Variants in CHRNB3 observed in about 807,000 individuals in gnomAD.
CHRNB3 encodes neuronal acetylcholine receptor subunit beta-3.
A neutral mutation model predicts 40.6 loss-of-function variants in CHRNB3; 37 were observed. That is an observed-to-expected ratio of 0.91 (90% CI 0.70 to 1.20). CHRNB3 has a LOEUF of 1.20. Among genes scored for constraint, CHRNB3 ranks in the 50% most tolerant of loss-of-function variants. The pLI is 0.00. For missense variants in CHRNB3, 505 were observed against 551.2 expected, an observed-to-expected ratio of 0.92 and a Z score of 0.84; for synonymous variants, 207 against 207.1, an observed-to-expected ratio of 1.00 and a Z score of 0.00.
At chr8:42,731,023 C>T (rs1816406628) in intron 4 of CHRNB3, among the ~76,000 whole-genome samples, 2 of 148,310 alleles carry the variant, frequency 1.3e-5, no homozygotes, top group African/African-American at 5.0e-5. Context: ...AGTCCGCAGT[C>T]CGGCCTGGGC....
At chr8:42,717,641 C>T (rs1816140138) in intron 3 of CHRNB3, among the ~76,000 whole-genome samples, 1 of 151,586 alleles carries the variant, frequency 6.6e-6, no homozygotes, top group Non-Finnish European at 1.5e-5. Context: ...GGTCAAAAGG[C>T]CTACTGTATA....
intron 3 of CHRNB3, among the ~76,000 whole-genome samples, chr8:42,718,006 T>A (rs1586400881): frequency 6.6e-6 from 1 of 150,702 alleles, no homozygotes; most frequent in East Asian, 1.9e-4. Context: ...CTAATTTTTG[T>A]ATTTTTAGTA....
Position 42,707,314 on chromosome 8 carries a change from G to A in CHRNB3, c.53-1403G>A, listed in dbSNP as rs921195600. On this transcript the variant is annotated intron_variant, in intron 1 of 5. Coordinates refer to ENST00000289957, the MANE Select transcript of CHRNB3 (RefSeq NM_000749.5). ...TAAAAGAATCCCTGGATTTTGAGTG[G>A]GCAAACCTGGAGGGTATGTCTCTCA... Among the ~76,000 whole-genome samples, 7 of 152,294 alleles carry A rather than the reference G, an allele frequency of 4.6e-5. No individual in the cohort carries two copies. The East Asian group carries it at 1.4e-3, about 29-fold the overall frequency.
intron 1 of CHRNB3, among the ~76,000 whole-genome samples, chr8:42,700,999 G>A (rs955453878): frequency 2.0e-5 from 3 of 152,072 alleles, no homozygotes; most frequent in African/African-American, 7.2e-5. Context: ...GGAGGCTGAG[G>A]CATGCAGATC....
chr8:42,720,048 C>A lies in CHRNB3; in HGVS notation c.249+9614C>A, dbSNP rs62518198. ...TCCTTCCTGCCCCAGCACCTTTCCA[C>A]AGGCAGTTCCATCTTTGGCCAGCCT... is the stretch of plus-strand genomic sequence containing the variant. On this transcript the variant is annotated intron_variant, in intron 3 of 5. Transcript: ENST00000289957. Among the ~76,000 whole-genome samples, 26 of 150,906 alleles carry A rather than the reference C, an allele frequency of 1.7e-4. No individual in the cohort carries two copies. The East Asian group carries it at 5.1e-3, about 29-fold the overall frequency.
chr8:42,723,369 G>T (rs1040124903), intron 3 of CHRNB3, among the ~76,000 whole-genome samples: 5 of 152,074 alleles, frequency 3.3e-5, no homozygotes, highest in South Asian at 4.1e-4. Flanking sequence ...GAGAGGAGAT[G>T]AAATGAGCTG....
Position 42,698,355 on chromosome 8 carries a change from T to C in CHRNB3, c.52+757T>C, listed in dbSNP as rs547590648. On this transcript the variant is annotated intron_variant, in intron 1 of 5. Coordinates refer to ENST00000289957, the MANE Select transcript of CHRNB3 (RefSeq NM_000749.5). ...CTTGAGAACAGAAAGTTTTCCCCCA[T>C]TGAATCAGAAACCATCTGAAACCGC... 1.2e-4 allele frequency among the ~76,000 whole-genome samples: 19 copies of C among 152,350 alleles called. No individual in the cohort carries two copies. The South Asian group carries it at 3.9e-3, about 32-fold the overall frequency.
intron 4 of CHRNB3, 80 bp from the exon 5 acceptor site, chr8:42,731,587 G>A: frequency 2.9e-6 from 4 of 1,397,880 alleles, no homozygotes; most frequent in Non-Finnish European, 3.9e-6. Flanking sequence ...TCATAAAACA[G>A]AAATAGTCAA....
chr8:42,716,900 G>C (rs1816119040), intron 3 of CHRNB3, among the ~76,000 whole-genome samples: 1 of 152,088 alleles, frequency 6.6e-6, no homozygotes, highest in Non-Finnish European at 1.5e-5. Context: ...GAGACAGTTT[G>C]TTCTCCTCTC....
chr8:42,707,161 C>T (rs1351344068), intron 1 of CHRNB3, among the ~76,000 whole-genome samples: 5 of 152,244 alleles, frequency 3.3e-5, no homozygotes, highest in Non-Finnish European at 7.3e-5. Flanking sequence ...CGTCAGAGGA[C>T]ACAGCCCACT....
chr8:42,705,585 T>C (rs1586393095), intron 1 of CHRNB3: 1 of 152,334 alleles, frequency 6.6e-6, no homozygotes, highest in Non-Finnish European at 1.5e-5. Context: ...CAGATGCTCA[T>C]GATCTTGGAC....
chr8:42,708,871 G>C lies in CHRNB3; in HGVS notation c.204+3G>C. 1 of 1,610,456 alleles carries C rather than the reference G, an allele frequency of 6.2e-7. No individual in the cohort carries two copies. Reference sequence around the variant, plus strand: ...AAATATCCCAGCTTGTAGATGTGGTGAGTAATCCTTGGCACTTGGCTAAAA... The same window carrying C: ...AAATATCCCAGCTTGTAGATGTGGTCAGTAATCCTTGGCACTTGGCTAAAA... On this transcript the variant is annotated splice_donor_region_variant and intron_variant, in intron 2 of 5. Transcript: ENST00000289957.
chr8:42,718,722 T>A (rs994734327), intron 3 of CHRNB3, among the ~76,000 whole-genome samples: 12 of 151,874 alleles, frequency 7.9e-5, no homozygotes, highest in Admixed American at 1.3e-4. Context: ...GGACTTTTTT[T>A]ATAGTTTTTT....
rs1007810052 is a variant in CHRNB3 at position 42,697,398 on chromosome 8, A to T, written c.-149A>T. 1.2e-4 allele frequency: 77 copies of T among 633,154 alleles called. 1 individual carries two copies. The highest frequency in any genetic ancestry group is 1.2e-3 in the African/African-American group (66 of 54,856). The allele number at this position is 633,154 out of a possible 1,614,324, so 39.2% of individuals were successfully genotyped here. ...GGCACACTCGGCGAGAGGGGTTGAG[A>T]TTGTTTTATTCCACTCCAGGTGTTG... is the stretch of plus-strand genomic sequence containing the variant. On this transcript the variant is annotated 5_prime_UTR_variant, in exon 1 of 6. Transcript: ENST00000289957.
chr8:42,734,923 A>T (rs1194874967), intron 5 of CHRNB3, among the ~76,000 whole-genome samples: 1 of 152,026 alleles, frequency 6.6e-6, no homozygotes, highest in African/African-American at 2.4e-5. Context: ...AACATCTTTT[A>T]AAAACACTAA....
chr8:42,719,734 A>G (rs2128907104), intron 3 of CHRNB3, among the ~76,000 whole-genome samples: 1 of 152,274 alleles, frequency 6.6e-6, no homozygotes, highest in East Asian at 1.9e-4. Context: ...GCAGAAGGAC[A>G]CTAAGGTTGT....
chr8:42,732,872 AAT>A (rs1816454257), intron 5 of CHRNB3, among the ~76,000 whole-genome samples: 2 of 152,186 alleles, frequency 1.3e-5, no homozygotes, highest in Admixed American at 6.6e-5. Context: ...GGTTTCTGGT[AAT>A]TTATCTTTCA....
rs1285947786 is a variant in CHRNB3, at chr8:42,708,708, C to A, written c.53-9C>A. 2 of 1,613,226 alleles carry A rather than the reference C, an allele frequency of 1.2e-6. No individual in the cohort carries two copies. The highest frequency in any genetic ancestry group is 2.2e-5 in the South Asian group (2 of 90,848). On this transcript the variant is annotated splice_polypyrimidine_tract_variant and intron_variant, in intron 1 of 5. Coordinates refer to ENST00000289957, the MANE Select transcript of CHRNB3 (RefSeq NM_000749.5). Reference sequence around the variant, plus strand: ...CATTAACCCAGGTCCACCCATGATTCTTTTACAGCCACCACAGGTTTCAAC... The same window carrying A: ...CATTAACCCAGGTCCACCCATGATTATTTTACAGCCACCACAGGTTTCAAC...
rs869178430 is a variant in CHRNB3 at position 42,720,111 on chromosome 8, C to CTTTTTTTTTT, written c.249+9702_249+9711dup. On this transcript the variant is annotated intron_variant, in intron 3 of 5. Coordinates refer to ENST00000289957, the MANE Select transcript of CHRNB3 (RefSeq NM_000749.5). ...CAACCCTGCCCCACTCAGAAGCCTT[C>CTTTTTTTTTT]TTTTTTTTTTTTTTTTTTTTTTTTT... Among the ~76,000 whole-genome samples the CTTTTTTTTTT allele has an allele frequency of 6.1e-4, 30 of 48,804 alleles. 4 individuals are homozygous for CTTTTTTTTTT. The highest frequency in any genetic ancestry group is 8.9e-4 in the African/African-American group (10 of 11,214). 32.0% of individuals were successfully genotyped at this position (48,804 alleles called of 152,430 possible). A position where few individuals can be genotyped will look rare whatever the true frequency, so the allele number is the denominator to read the frequency against.
Sources: allele counts gnomAD v4.1 joint callset (sites outside exome capture counted in the v4.1 genomes callset), GRCh38; gene constraint gnomAD v4.1.1; transcripts MANE v1.5; gene names NCBI Gene and HGNC (gene_info 2026-07-23, HGNC 2026-07-21).